WDFY3: variants seen among roughly 807,000 people sequenced by gnomAD.
WDFY3 encodes WD repeat and FYVE domain containing 3, also known as WD repeat and FYVE domain-containing protein 3.
In WDFY3, 66 loss-of-function variants were observed where a neutral mutation model predicts 409.6. The observed-to-expected ratio is 0.16, with a 90% CI of 0.13 to 0.20. The LOEUF is 0.20. Among genes scored for constraint, WDFY3 ranks in the 10% least tolerant of loss-of-function variants. The pLI is 1.00. For missense variants in WDFY3, 3,031 were observed against 4,298.1 expected (o/e 0.71, Z 8.24); for synonymous variants, 1,521 against 1,537.1 (o/e 0.99, Z 0.25).
Position 84,759,378 on chromosome 4 carries a change from G to T in WDFY3, c.5189-2217C>A, listed in dbSNP as rs545002697. ...AGCTTGATGGGGATGGCATTGAATC[G>T]ATAAATTACCTTGGGCAGTATGACC... is the stretch of plus-strand genomic sequence containing the variant. On this transcript the variant is annotated intron_variant, in intron 32 of 67. Transcript: ENST00000295888. Among the ~76,000 whole-genome samples, 656 of 152,152 alleles carry T rather than the reference G, an allele frequency of 4.3e-3. 4 individuals carry two copies. The highest frequency in any genetic ancestry group is 0.014 in the African/African-American group (597 of 41,490).
At chr4:84,957,490 T>C (rs755679760) in intron 1 of WDFY3, among the ~76,000 whole-genome samples, 5 of 152,130 alleles carry the variant, frequency 3.3e-5, no homozygotes, top group Non-Finnish European at 7.4e-5. Context: ...ATACAGTACT[T>C]AATATATCTC....
At chr4:84,793,140 T>C (rs1748801983) in intron 21 of WDFY3, among the ~76,000 whole-genome samples, 1 of 152,184 alleles carries the variant, frequency 6.6e-6, no homozygotes, top group Non-Finnish European at 1.5e-5. Flanking sequence ...TGGCAGTGGT[T>C]GTGTCATTTA....
chr4:84,907,250 T>C (rs1243012441), intron 2 of WDFY3, among the ~76,000 whole-genome samples: 3 of 152,184 alleles, frequency 2.0e-5, no homozygotes, highest in Admixed American at 1.3e-4. Flanking sequence ...CTCTTAATTA[T>C]GGGTTACACT....
intron 10 of WDFY3, 98 bp downstream of exon 10, chr4:84,826,717 T>C (rs1259957506): frequency 5.8e-6 from 7 of 1,215,472 alleles, no homozygotes; most frequent in South Asian, 4.6e-5. Context: ...ATTACTTTTA[T>C]ATATATAACA....
At chr4:84,961,206 ACT>A (rs1774873343) in intron 1 of WDFY3, among the ~76,000 whole-genome samples, 2 of 138,830 alleles carry the variant, frequency 1.4e-5, no homozygotes, top group Admixed American at 7.7e-5. Flanking sequence ...CAAAAGCAAG[ACT>A]CTGTCTCAAA....
chr4:84,869,287 A>G (rs1484304206), intron 3 of WDFY3, among the ~76,000 whole-genome samples: 6 of 152,232 alleles, frequency 3.9e-5, no homozygotes, highest in Non-Finnish European at 8.8e-5. Context: ...GGTCTTCACT[A>G]GAATCACTTA....
In WDFY3 at chr4:84,787,410, G is replaced by GAC. The variant is rs557181662; in HGVS notation, c.3901+70_3901+71dup. 7.6e-5 allele frequency: 109 copies of GAC among 1,425,294 alleles called. 3 individuals carry two copies. The South Asian group carries it at 1.3e-3, about 18-fold the overall frequency. 88.3% of individuals were successfully genotyped at this position (1,425,294 alleles called of 1,614,324 possible). A position where few individuals can be genotyped will look rare whatever the true frequency, so the allele number is the denominator to read the frequency against. On this transcript the variant is annotated intron_variant, in intron 23 of 67. Coordinates refer to ENST00000295888, the MANE Select transcript of WDFY3 (RefSeq NM_014991.6). Reference sequence around the variant, plus strand: ...TAGATTAACAATATGTATAACCTCAGACACACACATGCATCTATATTGCAG... The same window carrying GAC: ...TAGATTAACAATATGTATAACCTCAGACACACACACATGCATCTATATTGCAG...
intron 3 of WDFY3, among the ~76,000 whole-genome samples, chr4:84,870,237 TAA>T (rs888060084): frequency 1.1e-4 from 17 of 152,152 alleles, no homozygotes; most frequent in Non-Finnish European, 1.8e-4. Context: ...CACCAAAATG[TAA>T]AGAGCTTTGA....
intron 67 of WDFY3, 95 bp downstream of exon 67, chr4:84,677,104 G>A: frequency 1.4e-6 from 2 of 1,433,948 alleles, no homozygotes; most frequent in Non-Finnish European, 1.9e-6. Flanking sequence ...ACTGTAGTGG[G>A]GACGCCAGGG....
At chr4:84,806,593 T>C in intron 15 of WDFY3, among the ~76,000 whole-genome samples, 1 of 149,718 alleles carries the variant, frequency 6.7e-6, no homozygotes, top group Non-Finnish European at 1.5e-5. Context: ...AAATTACCAT[T>C]TCAATAAATA....
At chr4:84,904,544 AAAAT>A (rs1157975119) in intron 2 of WDFY3, among the ~76,000 whole-genome samples, 3 of 152,196 alleles carry the variant, frequency 2.0e-5, no homozygotes, top group African/African-American at 7.2e-5. Context: ...AAAATTTTTA[AAAAT>A]AAATAAATAA....
chr4:84,813,775 G>C (rs573629372), intron 13 of WDFY3, among the ~76,000 whole-genome samples: 142 of 152,172 alleles, frequency 9.3e-4, no homozygotes, highest in Non-Finnish European at 1.8e-3. Flanking sequence ...AAAATGGTAT[G>C]TTAAAAAAAA....
intron 30 of WDFY3, among the ~76,000 whole-genome samples, chr4:84,770,296 G>C (rs1744440931): frequency 6.6e-6 from 1 of 152,092 alleles, no homozygotes; most frequent in African/African-American, 2.4e-5. Context: ...CCAAAGTGCT[G>C]GGATTACAGG....
chr4:84,734,897 A>T (rs375906345), intron 43 of WDFY3, 146 bp downstream of exon 43: 66 of 665,258 alleles, frequency 9.9e-5, no homozygotes, highest in African/African-American at 9.4e-4. Flanking sequence ...AAAGTAGCTG[A>T]TGGCAGGAAT....
chr4:84,880,139 G>A (rs1763292712), intron 3 of WDFY3, among the ~76,000 whole-genome samples: 2 of 152,138 alleles, frequency 1.3e-5, no homozygotes, highest in African/African-American at 2.4e-5. Flanking sequence ...GATGTGACCA[G>A]GAAGCAGAGG....
intron 50 of WDFY3, among the ~76,000 whole-genome samples, chr4:84,713,448 A>C (rs1169869714): frequency 6.6e-6 from 1 of 152,232 alleles, no homozygotes; most frequent in Non-Finnish European, 1.5e-5. Context: ...CACCTTTAGA[A>C]ATTAAAAAAA....
intron 55 of WDFY3, 95 bp from the exon 56 acceptor site, chr4:84,702,601 G>A (rs1731225251): frequency 1.8e-6 from 2 of 1,125,270 alleles, no homozygotes; most frequent in African/African-American, 1.6e-5. Flanking sequence ...ACTATAGTTG[G>A]TGACATTTCA....
intron 1 of WDFY3, among the ~76,000 whole-genome samples, chr4:84,964,391 C>A (rs962962392): frequency 6.6e-6 from 1 of 152,178 alleles, no homozygotes; most frequent in Non-Finnish European, 1.5e-5. Flanking sequence ...ATCACTCGGG[C>A]CCAGAAGTTC....
At chr4:84,950,918 T>G (rs1773526078) in intron 1 of WDFY3, among the ~76,000 whole-genome samples, 1 of 152,218 alleles carries the variant, frequency 6.6e-6, no homozygotes, top group African/African-American at 2.4e-5. Flanking sequence ...ATACAATCAC[T>G]GCAGAATGTC....
Sources: gnomAD v4.1 joint callset for allele counts (sites outside exome capture counted in the v4.1 genomes callset) on GRCh38, gnomAD v4.1.1 for gene constraint, MANE v1.5 for transcripts, NCBI Gene and HGNC (gene_info 2026-07-23, HGNC 2026-07-21) for gene names.